CSRNP2: variants seen among roughly 807,000 people sequenced by gnomAD.
CSRNP2 encodes cysteine and serine rich nuclear protein 2, also known as cysteine/serine-rich nuclear protein 2.
Under a neutral mutation model 36.6 loss-of-function variants are expected in CSRNP2, and 11 were observed. That is an observed-to-expected ratio of 0.30 (90% CI 0.19 to 0.50). The LOEUF (loss-of-function observed/expected upper bound fraction) is 0.50, where lower values mean the gene tolerates loss of function less well. CSRNP2 is among the 20% of genes least tolerant of loss of function. The probability of loss-of-function intolerance (pLI) is 0.98; values close to 1 mark genes in which losing one functional copy is unlikely to be tolerated. For synonymous variants in CSRNP2, 248 were observed against 275.3 expected (o/e 0.90, Z 0.98); for missense variants, 483 against 691.4 (o/e 0.70, Z 3.38).
rs1937800770 is a variant in CSRNP2 at position 51,063,703 on chromosome 12, GAATA to G, written c.*39_*42del. ...TGAAATGGTGTTAGATAAAATAAGG[GAATA>G]AATAGAGAATGGGTAAGAGGCAGGA... is the stretch of plus-strand genomic sequence containing the variant. On this transcript the variant is annotated 3_prime_UTR_variant, in exon 5 of 5. Coordinates refer to ENST00000228515, the MANE Select transcript of CSRNP2 (RefSeq NM_030809.3). 5 of 1,414,346 alleles carry G rather than the reference GAATA, an allele frequency of 3.5e-6. No homozygotes were observed. Among genetic ancestry groups the G allele is most frequent in the Non-Finnish European group, 4.7e-6 (5 of 1,057,986 alleles). 87.6% of individuals were successfully genotyped at this position (1,414,346 alleles called of 1,614,324 possible).
In CSRNP2 at chr12:51,073,226, A is replaced by AACATACAT. The variant is rs112779685; in HGVS notation, c.411+589_411+596dup. ...AGAGAGAGACCCTGTCTCAAAAGAA[A>AACATACAT]ACATACATACATACATACATACATA... is the stretch of plus-strand genomic sequence containing the variant. On this transcript the variant is annotated intron_variant, in intron 3 of 4. Transcript: ENST00000228515. 1.6e-3 allele frequency among the ~76,000 whole-genome samples: 247 copies of AACATACAT among 150,892 alleles called. No individual in the cohort carries two copies. The South Asian group carries it at 0.017, about 10-fold the overall frequency.
At position 51,061,338 on chromosome 12, in the gene CSRNP2, C is replaced by T. The variant is rs1434447220; in HGVS notation, c.*2408G>A. On this transcript the variant is annotated 3_prime_UTR_variant, in exon 5 of 5. Coordinates refer to ENST00000228515, the MANE Select transcript of CSRNP2 (RefSeq NM_030809.3). ...AAGCTTTGGATTCACATTGAAAATACTACCTGTGTACAGTATGTGAGAAAG... is the reference window on the plus strand; with the variant it reads ...AAGCTTTGGATTCACATTGAAAATATTACCTGTGTACAGTATGTGAGAAAG... The T allele has an allele frequency of 1.3e-5, 2 of 152,512 alleles. No individual in the cohort carries two copies. Among genetic ancestry groups the T allele is most frequent in the Non-Finnish European group, 2.9e-5 (2 of 68,008 alleles). 9.4% of individuals were successfully genotyped at this position (152,512 alleles called of 1,614,324 possible).
At position 51,079,224 on chromosome 12, in the gene CSRNP2, G is replaced by A. The variant is rs555370489; in HGVS notation, c.-86-2577C>T. On this transcript the variant is annotated intron_variant, in intron 1 of 4. Transcript: ENST00000228515. The stretch of plus-strand genomic sequence containing the variant: ...AACATCACACACCGGGGCCTGTCGT[G>A]GGGTGGGGGAAGCGGGGAGGGATTA... Among the ~76,000 whole-genome samples the A allele has an allele frequency of 1.7e-3, 266 of 152,172 alleles. 1 individual carries two copies. The highest frequency in any genetic ancestry group is 6.1e-3 in the African/African-American group (252 of 41,512).
In CSRNP2 at chr12:51,063,628, G is replaced by C. The variant is rs1937793577; in HGVS notation, c.*118C>G. 1.3e-6 allele frequency: 1 copy of C among 796,042 alleles called. No individual in the cohort carries two copies. The highest frequency in any genetic ancestry group is 1.9e-6 in the Non-Finnish European group (1 of 525,420). 49.3% of individuals were successfully genotyped at this position (796,042 alleles called of 1,614,324 possible). ...AATCCTTTCCCACCCATTCCCCAAA[G>C]ACCCCAATAAAATAACATGGGAGCA... On this transcript the variant is annotated 3_prime_UTR_variant, in exon 5 of 5. Transcript: ENST00000228515.
chr12:51,071,668 A>T (rs1218913671), intron 3 of CSRNP2, among the ~76,000 whole-genome samples: 1 of 152,208 alleles, frequency 6.6e-6, no homozygotes, highest in Non-Finnish European at 1.5e-5. Context: ...TAACAAGTAG[A>T]GCTCCTGTAT....
chr12:51,071,797 T>C (rs536911602), intron 3 of CSRNP2, among the ~76,000 whole-genome samples: 3 of 152,294 alleles, frequency 2.0e-5, no homozygotes, highest in Admixed American at 6.5e-5. Flanking sequence ...TGGAGTTTTC[T>C]TCTAGGGAAA....
intron 3 of CSRNP2, 64 bp from the exon 4 acceptor site, chr12:51,068,033 TC>T: frequency 6.7e-7 from 1 of 1,493,112 alleles, no homozygotes; most frequent in Non-Finnish European, 9.2e-7. Flanking sequence ...TCAGTGACCA[TC>T]CCAGAGCAGC....
chr12:51,064,603 C>A lies in CSRNP2; in HGVS notation c.775G>T (p.Glu259Ter). 1 of 1,586,692 alleles carries A rather than the reference C, an allele frequency of 6.3e-7. No homozygotes were observed. ...GTCCGGACCCGGATTGGATTAAATT[C>A]AATGCGTCCTGCCATGTTCCCACAG... ...DGCGNMAGRI[E>*]FNPIRVRTHY... The change falls in exon 5 of 5, where the codon GAA becomes TAA. Residue 259 changes from glutamate to a stop codon, truncating the protein, a stop_gained. Transcript: ENST00000228515. LOFTEE classifies it high-confidence loss of function.
chr12:51,064,056 G>A lies in CSRNP2; in HGVS notation c.1322C>T (p.Ala441Val). Residue 441 changes from alanine (A) to valine (V), a missense_variant, in exon 5 of 5, where the codon GCC becomes GTC. This residue lies in a region of CSRNP2 where 277 missense variants were observed against 323.6 expected (regional missense o/e 0.86). Transcript: ENST00000228515. ...KGEPGTEEGS[A>V]SFPKEKDLNV... ...CAGATCCTTCTCCTTTGGGAAAGAG[G>A]CTGAGCCTTCTTCCGTACCAGGCTC... 5 of 1,614,220 alleles carry A rather than the reference G, an allele frequency of 3.1e-6. No homozygotes were observed. The highest frequency in any genetic ancestry group is 4.2e-6 in the Non-Finnish European group (5 of 1,180,034).
At chr12:51,075,558 A>T (rs2066114973) in intron 2 of CSRNP2, among the ~76,000 whole-genome samples, 1 of 152,218 alleles carries the variant, frequency 6.6e-6, no homozygotes, top group African/African-American at 2.4e-5. Flanking sequence ...CAAGAGCCAG[A>T]CAGTAACTAT....
chr12:51,073,659 G>A (rs1393939226), intron 3 of CSRNP2, among the ~76,000 whole-genome samples, 164 bp downstream of exon 3: 18 of 150,168 alleles, frequency 1.2e-4, no homozygotes, highest in Non-Finnish European at 2.5e-4. Flanking sequence ...TGGGGAGGCC[G>A]AGGTTGCAGT....
intron 2 of CSRNP2, among the ~76,000 whole-genome samples, chr12:51,074,952 C>T (rs912943716): frequency 2.6e-5 from 4 of 152,062 alleles, no homozygotes; most frequent in African/African-American, 9.6e-5. Flanking sequence ...GTAGTCCCAG[C>T]TACTCAGGAA....
At chr12:51,079,784 A>AT (rs1273487214) in intron 1 of CSRNP2, among the ~76,000 whole-genome samples, 3 of 146,654 alleles carry the variant, frequency 2.0e-5, no homozygotes, top group Non-Finnish European at 4.5e-5. Context: ...AAAAAAAAAA[A>AT]AAAAAAAAAG....
At chr12:51,071,687 G>A (rs1939165011) in intron 3 of CSRNP2, among the ~76,000 whole-genome samples, 1 of 152,184 alleles carries the variant, frequency 6.6e-6, no homozygotes. Flanking sequence ...ATCTGTCTTG[G>A]GTTTGCCTGG....
At chr12:51,080,157 C>T (rs1939584346) in intron 1 of CSRNP2, among the ~76,000 whole-genome samples, 1 of 136,522 alleles carries the variant, frequency 7.3e-6, no homozygotes, top group South Asian at 2.6e-4. Context: ...GGCAGGCAGG[C>T]AGGCAGGCAG....
chr12:51,073,226 AACAT>A lies in CSRNP2; in HGVS notation c.411+593_411+596del, dbSNP rs112779685. On this transcript the variant is annotated intron_variant, in intron 3 of 4. Coordinates refer to ENST00000228515, the MANE Select transcript of CSRNP2 (RefSeq NM_030809.3). ...AGAGAGAGACCCTGTCTCAAAAGAA[AACAT>A]ACATACATACATACATACATACATA... Among the ~76,000 whole-genome samples, 730 of 150,882 alleles carry A rather than the reference AACAT, an allele frequency of 4.8e-3. 3 individuals are homozygous for A. The highest frequency in any genetic ancestry group is 6.6e-3 in the Admixed American group (100 of 15,086).
At chr12:51,074,218 A>T in intron 2 of CSRNP2, 136 bp from the exon 3 acceptor site, 1 of 977,618 alleles carries the variant, frequency 1.0e-6, no homozygotes, top group Non-Finnish European at 1.5e-6. Flanking sequence ...CCCGGGTTCA[A>T]GCAATTCTCC....
chr12:51,082,409 T>C (rs1939678932), intron 1 of CSRNP2: 1 of 152,162 alleles, frequency 6.6e-6, no homozygotes, highest in Non-Finnish European at 1.5e-5. Context: ...GATGCTGCAT[T>C]AACTCTCAAG....
rs189190320 is a variant in CSRNP2 at position 51,079,221 on chromosome 12, C to T, written c.-86-2574G>A. On this transcript the variant is annotated intron_variant, in intron 1 of 4. Coordinates refer to ENST00000228515, the MANE Select transcript of CSRNP2 (RefSeq NM_030809.3). ...GGGAACATCACACACCGGGGCCTGT[C>T]GTGGGGTGGGGGAAGCGGGGAGGGA... Among the ~76,000 whole-genome samples, 239 of 151,810 alleles carry T rather than the reference C, an allele frequency of 1.6e-3. 2 individuals carry two copies. Among genetic ancestry groups the T allele is most frequent in the African/African-American group, 5.5e-3 (226 of 41,380 alleles).
Sources: gnomAD v4.1 joint callset for allele counts (sites outside exome capture counted in the v4.1 genomes callset) on GRCh38, gnomAD v4.1.1 for gene constraint, gnomAD v4.1.1 regional missense constraint, MANE v1.5 for transcripts, NCBI Gene and HGNC (gene_info 2026-07-23, HGNC 2026-07-21) for gene names.